GNAQ: variants seen among roughly 807,000 people sequenced by gnomAD.
GNAQ encodes the protein guanine nucleotide-binding protein G(q) subunit alpha.
A neutral mutation model predicts 43.9 loss-of-function variants in GNAQ; 8 were observed. The ratio of observed to expected loss-of-function variants is 0.18; its 90% CI spans 0.11 to 0.33. GNAQ has a LOEUF of 0.33. GNAQ is among the 10% of genes least tolerant of loss of function. The pLI is 1.00. For missense variants in GNAQ, 158 were observed against 450.8 expected, an observed-to-expected ratio of 0.35 and a Z score of 5.88; for synonymous variants, 155 against 170.7, an observed-to-expected ratio of 0.91 and a Z score of 0.71.
intron 1 of GNAQ, among the ~76,000 whole-genome samples, chr9:77,960,961 A>C (rs999385057): frequency 4.9e-4 from 74 of 152,224 alleles, no homozygotes; most frequent in African/African-American, 1.7e-3. Flanking sequence ...CCTGTATGAC[A>C]TATCTTTAAT....
At chr9:77,876,917 AAGG>A (rs1399050296) in intron 2 of GNAQ, among the ~76,000 whole-genome samples, 1 of 152,222 alleles carries the variant, frequency 6.6e-6, no homozygotes, top group Admixed American at 6.5e-5. Flanking sequence ...AGAACCTTAA[AAGG>A]TCAAAATTCT....
chr9:77,950,801 T>C (rs1564160939), intron 1 of GNAQ, among the ~76,000 whole-genome samples: 1 of 152,018 alleles, frequency 6.6e-6, no homozygotes, highest in Non-Finnish European at 1.5e-5. Context: ...TAGAAAATAA[T>C]AGGTAGAAAG....
At chr9:77,822,589 A>G (rs1190924066) in intron 2 of GNAQ, among the ~76,000 whole-genome samples, 1 of 151,778 alleles carries the variant, frequency 6.6e-6, no homozygotes, top group Non-Finnish European at 1.5e-5. Flanking sequence ...TAGAATTCAG[A>G]CAGGCGAAAA....
At chr9:77,878,640 G>GA (rs987680452) in intron 2 of GNAQ, among the ~76,000 whole-genome samples, 40 of 146,372 alleles carry the variant, frequency 2.7e-4, no homozygotes, top group African/African-American at 3.5e-4. Flanking sequence ...TAAGGTTCCT[G>GA]AAAAAAAAAA....
chr9:77,969,492 C>A (rs556103015), intron 1 of GNAQ, among the ~76,000 whole-genome samples: 3 of 152,112 alleles, frequency 2.0e-5, no homozygotes, highest in Non-Finnish European at 2.9e-5. Flanking sequence ...TTAAGGCCAA[C>A]TTAGAAACAA....
chr9:78,016,262 C>T (rs761527769), intron 1 of GNAQ, among the ~76,000 whole-genome samples: 16 of 152,174 alleles, frequency 1.1e-4, no homozygotes, highest in Non-Finnish European at 1.9e-4. Flanking sequence ...AAAACTGTTG[C>T]GCTTCAGAAC....
chr9:77,947,521 G>C (rs1002542903), intron 1 of GNAQ, among the ~76,000 whole-genome samples: 7 of 152,170 alleles, frequency 4.6e-5, no homozygotes, highest in East Asian at 1.9e-4. Flanking sequence ...GAGGCTATCT[G>C]GGAAGGAATC....
At chr9:77,991,450 A>C (rs538719060) in intron 1 of GNAQ, among the ~76,000 whole-genome samples, 2 of 152,308 alleles carry the variant, frequency 1.3e-5, no homozygotes, top group Admixed American at 1.3e-4. Flanking sequence ...ATGCTAACCC[A>C]CACCAGGAAA....
At chr9:77,852,724 A>C (rs1423553087) in intron 2 of GNAQ, among the ~76,000 whole-genome samples, 2 of 152,230 alleles carry the variant, frequency 1.3e-5, no homozygotes, top group Admixed American at 1.3e-4. Flanking sequence ...CACCTTTTGC[A>C]GGCTGCTGAG....
intron 2 of GNAQ, among the ~76,000 whole-genome samples, chr9:77,836,349 T>C (rs1827384621): frequency 6.6e-6 from 1 of 152,206 alleles, no homozygotes; most frequent in Admixed American, 6.5e-5. Context: ...AGTTGTAGGA[T>C]TTCTTTCCTT....
intron 1 of GNAQ, among the ~76,000 whole-genome samples, chr9:78,030,895 G>GTCGC (rs1345410798): frequency 2.6e-5 from 3 of 117,586 alleles, no homozygotes; most frequent in Admixed American, 8.1e-5. Context: ...CGCTGTGTGT[G>GTCGC]TGTGTGTGTG....
intron 1 of GNAQ, among the ~76,000 whole-genome samples, chr9:77,974,270 C>T (rs1823272910): frequency 1.3e-5 from 2 of 152,082 alleles, no homozygotes; most frequent in African/African-American, 4.8e-5. Flanking sequence ...CCAGATGCCC[C>T]CATCCATTCC....
At chr9:77,903,615 G>A (rs143160921) in intron 2 of GNAQ, among the ~76,000 whole-genome samples, 156 of 152,240 alleles carry the variant, frequency 1.0e-3, no homozygotes, top group African/African-American at 3.6e-3. Flanking sequence ...GCAGGCAAGT[G>A]ATTCTCCTGT....
chr9:77,924,723 AG>A (rs1313251506), intron 1 of GNAQ, among the ~76,000 whole-genome samples: 1 of 152,158 alleles, frequency 6.6e-6, no homozygotes, highest in Non-Finnish European at 1.5e-5. Flanking sequence ...GACTCCAAGT[AG>A]GGGCCAAACA....
At chr9:77,803,146 A>G (rs1018508642) in intron 3 of GNAQ, among the ~76,000 whole-genome samples, 2 of 152,168 alleles carry the variant, frequency 1.3e-5, no homozygotes, top group African/African-American at 4.8e-5. Flanking sequence ...GCAAAAACAC[A>G]GGAGAGGGGA....
chr9:77,985,245 G>C (rs146466397), intron 1 of GNAQ, among the ~76,000 whole-genome samples: 1 of 152,110 alleles, frequency 6.6e-6, no homozygotes, highest in Non-Finnish European at 1.5e-5. Context: ...CCCAGGAGGC[G>C]GAGCTTGCAG....
rs1379596420 is a variant in GNAQ at position 77,728,494 on chromosome 9, T to G, written c.889+20A>C. ...AAACCTATTCACAGCTACTGAGCTGTGGTATGAGTGCTGACTTACCATCAT... is the reference window on the plus strand; with the variant it reads ...AAACCTATTCACAGCTACTGAGCTGGGGTATGAGTGCTGACTTACCATCAT... On this transcript the variant is annotated intron_variant, in intron 6 of 6. Transcript: ENST00000286548. 1 of 1,570,550 alleles carries G rather than the reference T, an allele frequency of 6.4e-7. No individual in the cohort carries two copies. The highest frequency in any genetic ancestry group is 1.4e-5 in the African/African-American group (1 of 74,004).
At chr9:77,797,719 G>A (rs2118457513) in intron 3 of GNAQ, 71 bp from the exon 4 acceptor site, 16 of 1,382,556 alleles carry the variant, frequency 1.2e-5, no homozygotes, top group Admixed American at 5.7e-5. Context: ...GAAAGGGAAG[G>A]ACAAAAATGA....
intron 2 of GNAQ, among the ~76,000 whole-genome samples, chr9:77,849,382 T>C (rs769485545): frequency 2.6e-5 from 4 of 152,024 alleles, no homozygotes; most frequent in Non-Finnish European, 5.9e-5. Flanking sequence ...CCACAGACAA[T>C]ATCGAGACAA....
Sources: allele counts gnomAD v4.1 joint callset (sites outside exome capture counted in the v4.1 genomes callset), GRCh38; gene constraint gnomAD v4.1.1; transcripts MANE v1.5; gene names NCBI Gene and HGNC (gene_info 2026-07-23, HGNC 2026-07-21).